The following EXOSC10 variants were observed in gnomAD, a reference collection of about 807,000 sequenced individuals.
The protein encoded by EXOSC10 is exosome component 10.
In EXOSC10, 94 loss-of-function variants were observed where a neutral mutation model predicts 126.6. That is an observed-to-expected ratio of 0.74 (90% CI 0.63 to 0.88). The LOEUF is 0.88. EXOSC10 is among the 40% of genes least tolerant of loss of function. EXOSC10 has a pLI of 0.00. For missense variants in EXOSC10, 1,041 were observed against 1,100.5 expected (o/e 0.95, Z 0.77); for synonymous variants, 395 against 400.8 (o/e 0.99, Z 0.17).
At chr1:11,069,039 A>G (rs920459966) in intron 22 of EXOSC10, 11 of 347,482 alleles carry the variant, frequency 3.2e-5, no homozygotes, top group African/African-American at 2.3e-4. Context: ...CTGAGGCGAC[A>G]CTCCTGTATA....
At chr1:11,082,188 CA>C (rs1392309965) in intron 10 of EXOSC10, among the ~76,000 whole-genome samples, 1 of 152,062 alleles carries the variant, frequency 6.6e-6, no homozygotes, top group Non-Finnish European at 1.5e-5. Flanking sequence ...AGGTAGCAAC[CA>C]AGCGGAAAAC....
At position 11,090,504 on chromosome 1, in the gene EXOSC10, C is replaced by T. The variant is rs1009250589; in HGVS notation, c.758+50G>A. Reference sequence around the variant, plus strand: ...ATACTCCACAAAAGTGAAAATGTGGCAAAAAGGTAAGTACTCACGGCAGAA... The same window carrying T: ...ATACTCCACAAAAGTGAAAATGTGGTAAAAAGGTAAGTACTCACGGCAGAA... On this transcript the variant is annotated intron_variant, in intron 6 of 24. Coordinates refer to ENST00000376936, the MANE Select transcript of EXOSC10 (RefSeq NM_001001998.3). 2.7e-6 allele frequency: 4 copies of T among 1,467,396 alleles called. No homozygotes were observed. In the African/African-American group the frequency reaches 5.6e-5, roughly 20 times the overall value. 90.9% of individuals were successfully genotyped at this position (1,467,396 alleles called of 1,614,324 possible). A position where few individuals can be genotyped will look rare whatever the true frequency, so the allele number is the denominator to read the frequency against.
At chr1:11,091,276 CA>C in intron 4 of EXOSC10, 97 bp from the exon 5 acceptor site, 2 of 1,209,342 alleles carry the variant, frequency 1.7e-6, no homozygotes, top group Non-Finnish European at 2.4e-6. Context: ...AAGAACATCG[CA>C]AAGGTCATTC....
At chr1:11,086,817 G>A (rs931271145) in intron 9 of EXOSC10, among the ~76,000 whole-genome samples, 1 of 152,132 alleles carries the variant, frequency 6.6e-6, no homozygotes, top group Non-Finnish European at 1.5e-5. Context: ...CACATTCAAA[G>A]CAGTGCGTAG....
At chr1:11,079,919 A>G in intron 13 of EXOSC10, 97 bp from the exon 14 acceptor site, 5 of 987,538 alleles carry the variant, frequency 5.1e-6, no homozygotes, top group Non-Finnish European at 7.7e-6. Context: ...CCAGGCTGCC[A>G]CCTAAGCTGA....
intron 16 of EXOSC10, 83 bp downstream of exon 16, chr1:11,077,282 C>G (rs768739581): frequency 3.5e-6 from 5 of 1,430,426 alleles, no homozygotes; most frequent in Non-Finnish European, 4.8e-6. Context: ...TAAGCCACCA[C>G]GCCCGGCCAA....
chr1:11,095,915 T>C, intron 2 of EXOSC10, 34 bp from the exon 3 acceptor site: 1 of 1,603,800 alleles, frequency 6.2e-7, no homozygotes, highest in Non-Finnish European at 8.5e-7. Context: ...AGCTTGTAGA[T>C]TTTTATTTCA....
intron 18 of EXOSC10, 35 bp from the exon 19 acceptor site, chr1:11,074,043 G>GTGT: frequency 6.3e-7 from 1 of 1,593,528 alleles, no homozygotes; most frequent in Non-Finnish European, 8.6e-7. Context: ...AAACGCTGCC[G>GTGT]GGAACGGAAT....
chr1:11,093,912 C>T (rs551446439), intron 3 of EXOSC10, among the ~76,000 whole-genome samples: 12 of 152,012 alleles, frequency 7.9e-5, no homozygotes, highest in African/African-American at 2.9e-4. Flanking sequence ...GACATTGTCT[C>T]TATAAAATAA....
intron 19 of EXOSC10, among the ~76,000 whole-genome samples, chr1:11,073,320 G>C (rs1222578064): frequency 2.0e-5 from 3 of 152,060 alleles, no homozygotes; most frequent in Non-Finnish European, 4.4e-5. Flanking sequence ...TTTTAGTAGA[G>C]ACGGGGTTTC....
chr1:11,083,172 C>A (rs866064597), intron 9 of EXOSC10, among the ~76,000 whole-genome samples: 7 of 152,178 alleles, frequency 4.6e-5, no homozygotes, highest in Admixed American at 3.3e-4. Flanking sequence ...TGGTCTCAAT[C>A]TCCTGGGCTC....
rs138433163 is a variant in EXOSC10 at position 11,096,568 on chromosome 1, C to T, written c.249-687G>A. Among the ~76,000 whole-genome samples the T allele has an allele frequency of 1.5e-3, 229 of 149,934 alleles. 2 individuals are homozygous for T. Among genetic ancestry groups the T allele is most frequent in the Non-Finnish European group, 2.2e-3 (149 of 67,720 alleles). Reference sequence around the variant, plus strand: ...CACAGCTCCCTGTAGCCTTGAACTCCTGGGCTCAAGTGATACTCCCACCTC... The same window carrying T: ...CACAGCTCCCTGTAGCCTTGAACTCTTGGGCTCAAGTGATACTCCCACCTC... On this transcript the variant is annotated intron_variant, in intron 2 of 24. Coordinates refer to ENST00000376936, the MANE Select transcript of EXOSC10 (RefSeq NM_001001998.3).
chr1:11,072,380 C>T (rs1639558559), intron 19 of EXOSC10: 1 of 500,870 alleles, frequency 2.0e-6, no homozygotes, highest in Non-Finnish European at 3.6e-6. Flanking sequence ...TACTGTCCTC[C>T]AGGCACTGGG....
In EXOSC10 at chr1:11,091,554, T is replaced by C; in HGVS notation, c.416A>G (p.Gln139Arg). 1 of 1,614,202 alleles carries C rather than the reference T, an allele frequency of 6.2e-7. No individual in the cohort carries two copies. Among genetic ancestry groups the C allele is most frequent in the Non-Finnish European group, 8.5e-7 (1 of 1,180,034 alleles). Residue 139 changes from glutamine to arginine, a missense_variant, in exon 4 of 25, where the codon CAG becomes CGG. Transcript: ENST00000376936. ...DEASGVNKNQQPVLPAGLQVP... is the reference protein window; with the variant it reads ...DEASGVNKNQRPVLPAGLQVP... ...CTGCAAGCCGGCAGGGAGGACAGGC[T>C]GTTGATTCTTGTTTACACCTGAGGC...
intron 9 of EXOSC10, 144 bp from the exon 10 acceptor site, chr1:11,083,022 C>A (rs1640253582): frequency 1.5e-6 from 1 of 672,040 alleles, no homozygotes; most frequent in Non-Finnish European, 2.5e-6. Flanking sequence ...GTGATCTTGG[C>A]TCACTGCAAC....
rs752005656 is a variant in EXOSC10, at chr1:11,091,578, G to C, written c.392C>G (p.Ala131Gly). ...CTGTTGATTCTTGTTTACACCTGAG[G>C]CTTCATCCAGTAAAATACCCTAAGA... ...LERVGILLDE[A>G]SGVNKNQQPV... Residue 131 changes from alanine (A) to glycine (G), a missense_variant, in exon 4 of 25, where the codon GCC (alanine) becomes GGC (glycine). Physicochemically the swap from Ala to Gly is moderately conservative, Grantham distance 60 (BLOSUM62 0). Coordinates refer to ENST00000376936, the MANE Select transcript of EXOSC10 (RefSeq NM_001001998.3). The C allele has an allele frequency of 6.2e-7, 1 of 1,614,002 alleles. No homozygotes were observed. Among genetic ancestry groups the C allele is most frequent in the Non-Finnish European group, 8.5e-7 (1 of 1,179,940 alleles).
At chr1:11,068,535 A>G in intron 23 of EXOSC10, 110 bp downstream of exon 23, 2 of 843,974 alleles carry the variant, frequency 2.4e-6, no homozygotes, top group Non-Finnish European at 4.1e-6. Context: ...GAGGTGAGGA[A>G]AAAGATATGC....
chr1:11,090,494 G>A lies in EXOSC10; in HGVS notation c.758+60C>T, dbSNP rs1376649542. On this transcript the variant is annotated intron_variant, in intron 6 of 24. Transcript: ENST00000376936. ...TTTCATGTATATACTCCACAAAAGTGAAAATGTGGCAAAAAGGTAAGTACT... is the reference window on the plus strand; with the variant it reads ...TTTCATGTATATACTCCACAAAAGTAAAAATGTGGCAAAAAGGTAAGTACT... 10 of 1,368,706 alleles carry A rather than the reference G, an allele frequency of 7.3e-6. No individual in the cohort carries two copies. The East Asian group carries it at 2.1e-4, about 29-fold the overall frequency. The allele number at this position is 1,368,706 out of a possible 1,614,324, so 84.8% of individuals were successfully genotyped here.
At position 11,086,440 on chromosome 1, in the gene EXOSC10, T is replaced by C. The variant is rs944140654; in HGVS notation, c.1089+1008A>G. The stretch of plus-strand genomic sequence containing the variant: ...GTTTGTAGTAATCTCTGATGGTAGT[T>C]TGTATTTCTGTGGGATCAGTGGTGA... On this transcript the variant is annotated intron_variant, in intron 9 of 24. Coordinates refer to ENST00000376936, the MANE Select transcript of EXOSC10 (RefSeq NM_001001998.3). Among the ~76,000 whole-genome samples the C allele has an allele frequency of 1.6e-3, 238 of 152,316 alleles. 2 individuals are homozygous for C. The highest frequency in any genetic ancestry group is 5.0e-3 in the South Asian group (24 of 4,832).
Sources: allele counts gnomAD v4.1 joint callset (sites outside exome capture counted in the v4.1 genomes callset), GRCh38; gene constraint gnomAD v4.1.1; transcripts MANE v1.5; gene names NCBI Gene and HGNC (gene_info 2026-07-23, HGNC 2026-07-21).